Variants in CASK observed in about 807,000 individuals in gnomAD.
CASK encodes calcium/calmodulin dependent serine protein kinase.
CASK carries 4 observed loss-of-function variants against 82.9 expected under a neutral mutation model. The ratio of observed to expected loss-of-function variants is 0.05; its 90% CI spans 0.02 to 0.11. The LOEUF (loss-of-function observed/expected upper bound fraction) is 0.11. Ranked by LOEUF, CASK falls within the 10% of genes least tolerant of loss-of-function variation. The pLI, the probability that CASK is intolerant of heterozygous loss-of-function variation, is 1.00. For missense variants in CASK, 358 were observed against 720.9 expected (o/e 0.50, Z 5.76); for synonymous variants, 259 against 253.5 (o/e 1.02, Z -0.20).
At chrX:41,599,756 G>A (rs1412012468) in intron 12 of CASK, among the ~76,000 whole-genome samples, 2 of 111,687 alleles carry the variant, frequency 1.8e-5, no homozygotes, top group African/African-American at 6.5e-5. Context: ...TAGCTTGACT[G>A]TTCTCTATGC....
chrX:41,616,764 C>T (rs943990519), intron 11 of CASK, among the ~76,000 whole-genome samples: 4 of 111,120 alleles, frequency 3.6e-5, no homozygotes, highest in Non-Finnish European at 3.8e-5. Flanking sequence ...CACACCACCA[C>T]ACCCAGCTAA....
At chrX:41,779,982 T>G (rs1382035614) in intron 3 of CASK, among the ~76,000 whole-genome samples, 3 of 111,433 alleles carry the variant, frequency 2.7e-5, no homozygotes, top group African/African-American at 9.8e-5. Flanking sequence ...GATAAAAAAT[T>G]TAAAAGATAC....
At chrX:41,710,081 TTGTGTGTGTGTGTGTGTGTGTGTGTG>T (rs57963407) in intron 5 of CASK, among the ~76,000 whole-genome samples, 287 of 72,174 alleles carry the variant, frequency 4.0e-3, no homozygotes, top group African/African-American at 0.015. Context: ...GGTATAGATT[TTGTGTGTGTGTGTGTGTGTGTGTGTG>T]TGTGTGTGTG....
intron 2 of CASK, among the ~76,000 whole-genome samples, chrX:41,801,422 TG>T (rs2069995555): frequency 8.9e-6 from 1 of 112,108 alleles, no homozygotes; most frequent in African/African-American, 3.2e-5. Context: ...CTGTGATGGC[TG>T]TCCCAGCCTC....
At chrX:41,832,996 T>C (rs1418983855) in intron 2 of CASK, among the ~76,000 whole-genome samples, 1 of 111,988 alleles carries the variant, frequency 8.9e-6, no homozygotes, top group African/African-American at 3.2e-5. Flanking sequence ...AACTCATTTA[T>C]GGTATGAGAG....
intron 2 of CASK, among the ~76,000 whole-genome samples, chrX:41,806,094 C>T (rs140835817): frequency 1.8e-5 from 2 of 111,543 alleles, no homozygotes; most frequent in African/African-American, 3.3e-5. Context: ...AGGTACAGAA[C>T]AGGAACCTGT....
At chrX:41,618,808 G>A (rs897680106) in intron 11 of CASK, among the ~76,000 whole-genome samples, 18 of 107,637 alleles carry the variant, frequency 1.7e-4, no homozygotes, top group Non-Finnish European at 3.3e-4. Flanking sequence ...ATTTGGTAAT[G>A]AGGTGATGTC....
At chrX:41,883,984 A>T (rs754887573) in intron 1 of CASK, among the ~76,000 whole-genome samples, 1 of 111,685 alleles carries the variant, frequency 9.0e-6, no homozygotes, top group African/African-American at 3.2e-5. Context: ...CCATCCTGGG[A>T]TCCAATTACC....
intron 22 of CASK, among the ~76,000 whole-genome samples, chrX:41,538,094 C>T: frequency 9.0e-6 from 1 of 110,933 alleles, no homozygotes; most frequent in Non-Finnish European, 1.9e-5. Context: ...GATCTGCCCA[C>T]CTCGGCCTCC....
At chrX:41,585,190 G>C (rs944567996) in intron 14 of CASK, 8 of 112,788 alleles carry the variant, frequency 7.1e-5, no homozygotes, top group Non-Finnish European at 1.1e-4. Context: ...GGTGAGATTT[G>C]AACGAAGTTC....
intron 3 of CASK, among the ~76,000 whole-genome samples, chrX:41,764,753 A>G (rs749115301): frequency 8.0e-4 from 89 of 111,666 alleles, no homozygotes; most frequent in Non-Finnish European, 1.4e-3. Flanking sequence ...TGGCCTCCCA[A>G]TTCTCCCCAT....
intron 5 of CASK, among the ~76,000 whole-genome samples, chrX:41,684,611 C>T (rs919268702): frequency 3.1e-4 from 35 of 111,339 alleles, no homozygotes; most frequent in Non-Finnish European, 3.8e-5. Flanking sequence ...ATTCTCGTGC[C>T]TCAGCCTCCC....
At chrX:41,811,152 T>G (rs1460993353) in intron 2 of CASK, among the ~76,000 whole-genome samples, 1 of 111,488 alleles carries the variant, frequency 9.0e-6, no homozygotes, top group Non-Finnish European at 1.9e-5. Flanking sequence ...AACACCCCAC[T>G]GTCAACATTA....
intron 15 of CASK, among the ~76,000 whole-genome samples, chrX:41,577,585 T>G (rs1166485953): frequency 1.8e-5 from 2 of 112,055 alleles, no homozygotes; most frequent in Non-Finnish European, 3.8e-5. Flanking sequence ...TGTCTGCAGT[T>G]CAGCCATGGT....
At chrX:41,904,885 C>G (rs1319102376) in intron 1 of CASK, among the ~76,000 whole-genome samples, 6 of 111,579 alleles carry the variant, frequency 5.4e-5, no homozygotes, top group Non-Finnish European at 1.1e-4. Context: ...GAATAATGGC[C>G]TCCAGCTCCA....
At chrX:41,644,366 T>G (rs143666326) in intron 8 of CASK, among the ~76,000 whole-genome samples, 3 of 112,349 alleles carry the variant, frequency 2.7e-5, no homozygotes, top group African/African-American at 9.7e-5. Flanking sequence ...ACTGCAATCT[T>G]TAAACATAAA....
chrX:41,679,031 T>A (rs959096337), intron 5 of CASK, among the ~76,000 whole-genome samples: 1 of 110,407 alleles, frequency 9.1e-6, no homozygotes, highest in South Asian at 3.9e-4. Flanking sequence ...AAGATTGCAG[T>A]GAACTGCAGT....
intron 1 of CASK, among the ~76,000 whole-genome samples, chrX:41,915,135 C>T (rs925732269): frequency 3.6e-5 from 4 of 111,348 alleles, no homozygotes; most frequent in South Asian, 3.8e-4. Context: ...CTCCAAACCA[C>T]GAGCCCTAGA....
At chrX:41,790,012 C>T (rs1471302542) in intron 2 of CASK, among the ~76,000 whole-genome samples, 1 of 111,771 alleles carries the variant, frequency 8.9e-6, no homozygotes, top group African/African-American at 3.3e-5. Flanking sequence ...TCACTGTAGC[C>T]TCCACCTCCC....
Sources: gnomAD v4.1 joint callset for allele counts (sites outside exome capture counted in the v4.1 genomes callset) on GRCh38, gnomAD v4.1.1 for gene constraint, MANE v1.5 for transcripts, NCBI Gene and HGNC (gene_info 2026-07-23, HGNC 2026-07-21) for gene names.